Variants in NCOA3 observed in about 807,000 individuals in gnomAD.
NCOA3 encodes CBP-interacting protein.
A neutral mutation model predicts 158.8 loss-of-function variants in NCOA3; 51 were observed. The ratio of observed to expected loss-of-function variants is 0.32; its 90% CI spans 0.26 to 0.41. The LOEUF (loss-of-function observed/expected upper bound fraction) is 0.41. Among genes scored for constraint, NCOA3 ranks in the 10% least tolerant of loss-of-function variants. NCOA3 has a pLI of 1.00. For synonymous variants in NCOA3, 537 were observed against 592.4 expected (o/e 0.91, Z 1.36); for missense variants, 1,510 against 1,746.6 (o/e 0.86, Z 2.41).
intron 2 of NCOA3, among the ~76,000 whole-genome samples, chr20:47,588,863 A>T (rs1333683571): frequency 1.3e-5 from 2 of 152,122 alleles, no homozygotes; most frequent in Non-Finnish European, 2.9e-5. Context: ...TTTTAATTGT[A>T]GTAAAATTTA....
At chr20:47,542,245 A>G (rs1456208034) in intron 1 of NCOA3, among the ~76,000 whole-genome samples, 1 of 148,220 alleles carries the variant, frequency 6.7e-6, no homozygotes, top group Non-Finnish European at 1.5e-5. Context: ...TTGCTATGTT[A>G]CTCAGGCTGG....
chr20:47,645,273 G>A (rs1372904678), intron 17 of NCOA3, among the ~76,000 whole-genome samples: 2 of 151,848 alleles, frequency 1.3e-5, no homozygotes, highest in Non-Finnish European at 1.5e-5. Flanking sequence ...CAGGCCTTTC[G>A]GGAGTCAGGG....
At chr20:47,618,050 A>G (rs574990298) in intron 2 of NCOA3, among the ~76,000 whole-genome samples, 1 of 152,214 alleles carries the variant, frequency 6.6e-6, no homozygotes, top group East Asian at 1.9e-4. Flanking sequence ...CAGCCTGGCC[A>G]TCATGGTGAA....
chr20:47,591,150 A>T (rs2085629971), intron 2 of NCOA3, among the ~76,000 whole-genome samples: 1 of 152,088 alleles, frequency 6.6e-6, no homozygotes, highest in African/African-American at 2.4e-5. Context: ...CAAAAGAAAA[A>T]ACCATAGTCT....
chr20:47,548,874 T>C (rs2084881369), intron 1 of NCOA3, among the ~76,000 whole-genome samples: 1 of 152,182 alleles, frequency 6.6e-6, no homozygotes, highest in Admixed American at 6.5e-5. Context: ...TTGGTGAATA[T>C]GATAAAATCA....
At chr20:47,612,842 C>T (rs16992653) in intron 2 of NCOA3, among the ~76,000 whole-genome samples, 1 of 152,160 alleles carries the variant, frequency 6.6e-6, no homozygotes, top group Admixed American at 6.5e-5. Flanking sequence ...TTAACTCCCT[C>T]TGTACAGTGT....
At chr20:47,635,038 C>T (rs1183640364) in intron 10 of NCOA3, among the ~76,000 whole-genome samples, 3 of 151,564 alleles carry the variant, frequency 2.0e-5, no homozygotes, top group Non-Finnish European at 4.4e-5. Context: ...AGGCGATCCT[C>T]CCACCGCAGC....
At chr20:47,601,971 A>G (rs898093932) in intron 2 of NCOA3, among the ~76,000 whole-genome samples, 20 of 152,214 alleles carry the variant, frequency 1.3e-4, no homozygotes, top group African/African-American at 4.8e-4. Flanking sequence ...CATGCTCAAC[A>G]TATGTTCCTA....
chr20:47,531,056 G>A (rs1421086933), intron 1 of NCOA3, among the ~76,000 whole-genome samples: 3 of 152,166 alleles, frequency 2.0e-5, no homozygotes, highest in African/African-American at 7.2e-5. Flanking sequence ...TGAGGAATTT[G>A]GCTGGGTGCG....
At chr20:47,511,742 C>T (rs1038721190) in intron 1 of NCOA3, among the ~76,000 whole-genome samples, 8 of 150,808 alleles carry the variant, frequency 5.3e-5, no homozygotes, top group African/African-American at 7.3e-5. Context: ...TTAGTAGAGA[C>T]GGGGTTTCAC....
chr20:47,554,580 C>T (rs895850059), intron 1 of NCOA3, among the ~76,000 whole-genome samples: 1 of 133,942 alleles, frequency 7.5e-6, no homozygotes, highest in African/African-American at 3.1e-5. Context: ...AACAAAGAGC[C>T]AAATCATGAG....
At chr20:47,534,002 T>G (rs920920028) in intron 1 of NCOA3, among the ~76,000 whole-genome samples, 6 of 151,714 alleles carry the variant, frequency 4.0e-5, no homozygotes, top group African/African-American at 1.5e-4. Flanking sequence ...GAGTAATCCA[T>G]GTTGGTTTAG....
intron 7 of NCOA3, 80 bp downstream of exon 7, chr20:47,627,829 C>G: frequency 6.4e-7 from 1 of 1,573,878 alleles, no homozygotes; most frequent in Non-Finnish European, 8.7e-7. Flanking sequence ...TGTTGTAACC[C>G]TTCTTACTGA....
intron 1 of NCOA3, among the ~76,000 whole-genome samples, chr20:47,578,372 G>T (rs1452574092): frequency 6.6e-6 from 1 of 152,150 alleles, no homozygotes; most frequent in Non-Finnish European, 1.5e-5. Context: ...TTTTAGTAGA[G>T]ATGGGGTTTA....
In NCOA3 at chr20:47,536,856, T is replaced by G. The variant is rs1239474429; in HGVS notation, c.-99+34837T>G. 2.0e-5 allele frequency among the ~76,000 whole-genome samples: 3 copies of G among 149,824 alleles called. No homozygotes were observed. The East Asian group carries it at 5.9e-4, about 29-fold the overall frequency. On this transcript the variant is annotated intron_variant, in intron 1 of 22. Transcript: ENST00000371998. ...TCTTGCTTTTTCACTCAGGCTGGAG[T>G]GCAGTAGTGCAATCTCGGCTCACTG...
intron 1 of NCOA3, among the ~76,000 whole-genome samples, chr20:47,568,027 C>G (rs1169859389): frequency 6.6e-6 from 1 of 152,154 alleles, no homozygotes; most frequent in African/African-American, 2.4e-5. Context: ...TTGTTAAAAA[C>G]AACTCTGGCA....
At position 47,647,182 on chromosome 20, in the gene NCOA3, C is replaced by T; in HGVS notation, c.3362C>T (p.Pro1121Leu). Reference sequence around the variant, plus strand: ...CAGACATACCCAGCACAGGGGCCTCCAATGCAAGGAGGCTTTCATCTTCAG... The same window carrying T: ...CAGACATACCCAGCACAGGGGCCTCTAATGCAAGGAGGCTTTCATCTTCAG... ...YGQTYPAQGP[P>L]MQGGFHLQGQ... Residue 1121 changes from proline to leucine, a missense_variant, in exon 18 of 23, where the codon CCA (proline) becomes CTA (leucine). Transcript: ENST00000371998. 1.2e-6 allele frequency: 2 copies of T among 1,614,120 alleles called. No homozygotes were observed. The highest frequency in any genetic ancestry group is 1.7e-6 in the Non-Finnish European group (2 of 1,180,008).
At chr20:47,522,102 T>C (rs1339241269) in intron 1 of NCOA3, among the ~76,000 whole-genome samples, 1 of 136,464 alleles carries the variant, frequency 7.3e-6, no homozygotes, top group South Asian at 2.4e-4. Context: ...TACAGATCTT[T>C]TTTTTTTTTT....
chr20:47,570,939 T>TATACACACAC (rs369516174), intron 1 of NCOA3, among the ~76,000 whole-genome samples: 46 of 114,970 alleles, frequency 4.0e-4, no homozygotes, highest in African/African-American at 1.6e-3. Flanking sequence ...GTAATATATA[T>TATACACACAC]ACACACACAC....
Sources: allele counts gnomAD v4.1 joint callset (sites outside exome capture counted in the v4.1 genomes callset), GRCh38; gene constraint gnomAD v4.1.1; transcripts MANE v1.5; gene names NCBI Gene and HGNC (gene_info 2026-07-23, HGNC 2026-07-21).